Variants in RGPD2 observed in about 807,000 individuals in gnomAD.
The protein encoded by RGPD2 is RANBP2-like and GRIP domain-containing protein 2.
In RGPD2, 2 loss-of-function variants were observed where a neutral mutation model predicts 36.0. The ratio of observed to expected loss-of-function variants is 0.06; its 90% confidence interval spans 0.02 to 0.17. The LOEUF is 0.17. RGPD2 is among the 10% of genes least tolerant of loss of function. The pLI is 1.00. For missense variants in RGPD2, 40 were observed against 464.3 expected, an observed-to-expected ratio of 0.09 and a Z score of 8.40; for synonymous variants, 19 against 163.8, an observed-to-expected ratio of 0.12 and a Z score of 6.75.
the RGPD2 span, among the ~76,000 whole-genome samples, chr2:87,881,729 G>A: frequency 3.3e-5 from 5 of 149,632 alleles, no homozygotes; most frequent in African/African-American, 4.9e-5. Context: ...TTCCAAGGTC[G>A]CGTCCACATT....
At chr2:87,777,378 T>TA (rs1404850992) in intron 20 of RGPD2, among the ~76,000 whole-genome samples, 2 of 56,614 alleles carry the variant, frequency 3.5e-5, no homozygotes, top group African/African-American at 1.1e-4. Flanking sequence ...TAATTTAGAG[T>TA]AGAGGGCCAA....
chr2:87,986,085 A>C, the RGPD2 span, among the ~76,000 whole-genome samples: 4 of 151,066 alleles, frequency 2.6e-5, no homozygotes, highest in Admixed American at 6.6e-5. Context: ...ATCATCTGAA[A>C]CTAAAACCAA....
chr2:87,836,847 A>G, the RGPD2 span, among the ~76,000 whole-genome samples: 1 of 152,248 alleles, frequency 6.6e-6, no homozygotes, highest in East Asian at 1.9e-4. Context: ...GCCATCTGAC[A>G]TGCAATGACA....
the RGPD2 span, among the ~76,000 whole-genome samples, chr2:87,957,236 T>TG: frequency 0.023 from 2,662 of 116,042 alleles, 147 homozygotes; most frequent in African/African-American, 0.064. Context: ...ACAAGGTCAC[T>TG]GGGGGGGGGC....
At chr2:87,963,119 TAATAAG>T in the RGPD2 span, among the ~76,000 whole-genome samples, 2 of 150,822 alleles carry the variant, frequency 1.3e-5, no homozygotes, top group Admixed American at 6.6e-5. Context: ...CTGTCTCAAA[TAATAAG>T]AATAATAATA....
At chr2:87,781,597 A>T (rs1289273240) in intron 20 of RGPD2, among the ~76,000 whole-genome samples, 1 of 150,584 alleles carries the variant, frequency 6.6e-6, no homozygotes, top group Non-Finnish European at 1.5e-5. Flanking sequence ...AGTAGCTGCT[A>T]ATTATAGGCA....
chr2:87,975,905 C>A, the RGPD2 span, among the ~76,000 whole-genome samples: 1 of 152,014 alleles, frequency 6.6e-6, no homozygotes, highest in African/African-American at 2.4e-5. Context: ...GTCCAGAGTT[C>A]TTTTGCCAGT....
the RGPD2 span, among the ~76,000 whole-genome samples, chr2:87,983,282 T>A: frequency 6.6e-6 from 1 of 152,162 alleles, no homozygotes; most frequent in East Asian, 1.9e-4. Context: ...ATAGCGCCAC[T>A]GCATTCCAGC....
chr2:87,824,419 A>G (rs1686517461), intron 1 of RGPD2, among the ~76,000 whole-genome samples: 1 of 152,114 alleles, frequency 6.6e-6, no homozygotes, highest in African/African-American at 2.4e-5. Context: ...CAGACATTCT[A>G]GAAAGCATGG....
At chr2:87,911,440 T>A in the RGPD2 span, among the ~76,000 whole-genome samples, 2 of 151,382 alleles carry the variant, frequency 1.3e-5, no homozygotes, top group Non-Finnish European at 2.9e-5. Context: ...TTCTTTTTTG[T>A]TAACATTTAA....
intron 22 of RGPD2, among the ~76,000 whole-genome samples, chr2:87,763,527 AAT>A (rs1379045229): frequency 2.0e-4 from 11 of 53,692 alleles, no homozygotes; most frequent in Admixed American, 2.2e-4. Flanking sequence ...TATTTAAACT[AAT>A]ATGTTCACAA....
chr2:87,772,923 G>A lies in RGPD2; in HGVS notation c.5041-559C>T, dbSNP rs994281753. 4.3e-5 allele frequency among the ~76,000 whole-genome samples: 6 copies of A among 138,076 alleles called. No individual in the cohort carries two copies. The South Asian group carries it at 7.3e-4, about 17-fold the overall frequency. The allele number at this position is 138,076 out of a possible 152,430, so 90.6% of individuals were successfully genotyped here. On this transcript the variant is annotated intron_variant, in intron 21 of 22. Coordinates refer to ENST00000398146, the MANE Select transcript of RGPD2 (RefSeq NM_001078170.3). ...AAATGGAGTTGAAAGCTGGGGAACT[G>A]ATGGAACGTCTCCATGAGGAGCAAC...
the RGPD2 span, among the ~76,000 whole-genome samples, chr2:87,934,547 A>G: frequency 1.3e-5 from 2 of 150,408 alleles, no homozygotes; most frequent in African/African-American, 4.9e-5. Flanking sequence ...TTCATTAACC[A>G]TCTGTTTCCA....
At chr2:87,827,113 C>T (rs1003262241), upstream of RGPD2, among the ~76,000 whole-genome samples, 30 of 151,808 alleles carry the variant, frequency 2.0e-4, no homozygotes, top group Non-Finnish European at 1.0e-4. Flanking sequence ...TCTAATTTAT[C>T]TGTATACCTA....
chr2:87,983,468 C>G, the RGPD2 span, among the ~76,000 whole-genome samples: 2 of 121,232 alleles, frequency 1.6e-5, no homozygotes, highest in Admixed American at 9.4e-5. Flanking sequence ...GGCATTCACT[C>G]AACAAATGTT....
the RGPD2 span, among the ~76,000 whole-genome samples, chr2:87,864,276 A>G: frequency 1.7e-3 from 264 of 152,406 alleles, no homozygotes; most frequent in African/African-American, 5.8e-3. Flanking sequence ...TTCACTCTCT[A>G]TGCTTCAGCT....
chr2:87,769,026 G>T (rs1280043350), intron 22 of RGPD2, among the ~76,000 whole-genome samples: 1 of 33,710 alleles, frequency 3.0e-5, no homozygotes, highest in East Asian at 1.4e-3. Context: ...GGAGTGCAAT[G>T]GCACCATCTT....
chr2:87,830,589 G>C (rs1015680709), upstream of RGPD2, among the ~76,000 whole-genome samples: 7 of 152,098 alleles, frequency 4.6e-5, no homozygotes, highest in Non-Finnish European at 1.0e-4. Context: ...CCAATTGACT[G>C]TATTAGCTCA....
chr2:87,874,064 G>T, the RGPD2 span, among the ~76,000 whole-genome samples: 1 of 144,858 alleles, frequency 6.9e-6, no homozygotes, highest in Non-Finnish European at 1.5e-5. Flanking sequence ...TTTGCCTATG[G>T]TTTTTTTTTT....
Sources: allele counts gnomAD v4.1 joint callset (sites outside exome capture counted in the v4.1 genomes callset), GRCh38; gene constraint gnomAD v4.1.1; transcripts MANE v1.5; gene names NCBI Gene and HGNC (gene_info 2026-07-23, HGNC 2026-07-21).